The following PDE1C variants were observed in gnomAD, a reference collection of about 807,000 sequenced individuals.
The protein encoded by PDE1C is dual specificity calcium/calmodulin-dependent 3',5'-cyclic nucleotide phosphodiesterase 1C.
A neutral mutation model predicts 93.1 loss-of-function variants in PDE1C; 62 were observed. The ratio of observed to expected loss-of-function variants is 0.67; its 90% confidence interval spans 0.54 to 0.82. PDE1C has a LOEUF of 0.82. PDE1C is among the 40% of genes least tolerant of loss of function. The pLI is 0.00. For missense variants in PDE1C, 742 were observed against 884.6 expected (o/e 0.84, Z 2.04); for synonymous variants, 325 against 310.1 (o/e 1.05, Z -0.50).
chr7:31,764,153 TTTTG>T (rs1021821188), intron 17 of PDE1C, among the ~76,000 whole-genome samples: 26 of 152,106 alleles, frequency 1.7e-4, no homozygotes, highest in African/African-American at 6.0e-4. Context: ...CTCACTTTGG[TTTTG>T]TTTTTGTTTT....
At chr7:32,405,131 A>T (rs1373463423) in intron 1 of PDE1C, among the ~76,000 whole-genome samples, 1 of 152,194 alleles carries the variant, frequency 6.6e-6, no homozygotes, top group African/African-American at 2.4e-5. Context: ...TCTGTTGTAC[A>T]GGTAGTGGGA....
the PDE1C span, among the ~76,000 whole-genome samples, chr7:31,622,976 A>ACC: frequency 1.6e-3 from 248 of 151,976 alleles, no homozygotes; most frequent in Non-Finnish European, 2.9e-3. Context: ...TACTACAAAC[A>ACC]TCTACGCCAA....
chr7:32,322,609 T>C (rs547272791), intron 1 of PDE1C, among the ~76,000 whole-genome samples: 2 of 94,386 alleles, frequency 2.1e-5, no homozygotes, highest in East Asian at 4.4e-4. Context: ...ATCTCTATTT[T>C]TTTCTTTTTT....
intron 2 of PDE1C, among the ~76,000 whole-genome samples, chr7:32,194,397 T>C (rs1804463822): frequency 1.3e-5 from 2 of 152,268 alleles, no homozygotes; most frequent in South Asian, 4.1e-4. Context: ...GATCTGTTGA[T>C]GTCTCCAATT....
intron 1 of PDE1C, among the ~76,000 whole-genome samples, chr7:32,250,519 A>G (rs542979362): frequency 1.3e-5 from 2 of 152,328 alleles, no homozygotes; most frequent in Admixed American, 1.3e-4. Flanking sequence ...CCACACTTTG[A>G]GAAACCCTGC....
intron 5 of PDE1C, among the ~76,000 whole-genome samples, chr7:31,876,489 T>A (rs958900318): frequency 6.6e-6 from 1 of 152,184 alleles, no homozygotes; most frequent in Non-Finnish European, 1.5e-5. Context: ...GAGGCTTCAA[T>A]TTGGAAGAAA....
At chr7:32,146,861 G>A (rs554812071) in intron 3 of PDE1C, among the ~76,000 whole-genome samples, 8 of 152,154 alleles carry the variant, frequency 5.3e-5, no homozygotes, top group African/African-American at 1.9e-4. Flanking sequence ...CATAACCAAG[G>A]GATAAGTTGG....
intron 16 of PDE1C, among the ~76,000 whole-genome samples, chr7:31,804,176 G>C (rs1330481690): frequency 1.3e-5 from 2 of 151,796 alleles, no homozygotes; most frequent in Non-Finnish European, 2.9e-5. Flanking sequence ...AAATTACTTT[G>C]AGACATTTTG....
At chr7:32,286,246 TA>T (rs1456588352) in intron 1 of PDE1C, among the ~76,000 whole-genome samples, 2 of 152,194 alleles carry the variant, frequency 1.3e-5, no homozygotes, top group African/African-American at 4.8e-5. Context: ...TTACTGAAGA[TA>T]TGTCCCACAG....
intron 2 of PDE1C, among the ~76,000 whole-genome samples, chr7:32,048,874 T>C (rs113390762): frequency 6.6e-6 from 1 of 152,090 alleles, no homozygotes; most frequent in Admixed American, 6.6e-5. Flanking sequence ...ACATAATTGG[T>C]TTATTTTTCA....
intron 2 of PDE1C, among the ~76,000 whole-genome samples, chr7:32,018,516 C>G (rs1028654459): frequency 1.3e-5 from 2 of 152,068 alleles, no homozygotes; most frequent in African/African-American, 4.8e-5. Context: ...ATATGTACTA[C>G]AACATGGATG....
chr7:32,003,266 A>G (rs961025154), intron 2 of PDE1C, among the ~76,000 whole-genome samples: 1 of 152,208 alleles, frequency 6.6e-6, no homozygotes, highest in African/African-American at 2.4e-5. Context: ...CCCATAAAGG[A>G]ATTGACAAGG....
chr7:32,208,491 T>C (rs1805770465), intron 2 of PDE1C, among the ~76,000 whole-genome samples: 1 of 139,638 alleles, frequency 7.2e-6, no homozygotes, highest in African/African-American at 2.6e-5. Context: ...AGGTGACTTT[T>C]AGGAAGGCAA....
the PDE1C span, chr7:31,695,426 A>G: frequency 6.5e-7 from 1 of 1,541,030 alleles, no homozygotes; most frequent in Non-Finnish European, 8.8e-7. Flanking sequence ...TGGATCCTTA[A>G]TCATGTTATA....
chr7:31,879,814 T>C (rs1165853125), intron 3 of PDE1C, among the ~76,000 whole-genome samples: 1 of 152,206 alleles, frequency 6.6e-6, no homozygotes, highest in Non-Finnish European at 1.5e-5. Flanking sequence ...CAAAGAGCAA[T>C]GTTAAAATAA....
At chr7:31,660,011 G>T in the PDE1C span, among the ~76,000 whole-genome samples, 2 of 152,124 alleles carry the variant, frequency 1.3e-5, no homozygotes, top group Non-Finnish European at 2.9e-5. Context: ...GAGTTCTCAT[G>T]AAATCTCATG....
intron 2 of PDE1C, among the ~76,000 whole-genome samples, chr7:31,927,460 G>A (rs1004819835): frequency 3.3e-5 from 5 of 152,146 alleles, no homozygotes; most frequent in African/African-American, 4.8e-5. Flanking sequence ...GGGACAGACT[G>A]CCTCCTCAAG....
chr7:31,672,915 G>C, the PDE1C span, among the ~76,000 whole-genome samples: 2 of 152,200 alleles, frequency 1.3e-5, no homozygotes, highest in African/African-American at 4.8e-5. Flanking sequence ...TTGTGATACT[G>C]AGTGAGTTTT....
intron 2 of PDE1C, among the ~76,000 whole-genome samples, chr7:32,045,846 G>A (rs1584583670): frequency 6.6e-6 from 1 of 152,128 alleles, no homozygotes; most frequent in South Asian, 2.1e-4. Context: ...ATAACCACTC[G>A]CCTTCCCTCC....
Sources: allele counts gnomAD v4.1 joint callset (sites outside exome capture counted in the v4.1 genomes callset), GRCh38; gene constraint gnomAD v4.1.1; transcripts MANE v1.5; gene names NCBI Gene and HGNC (gene_info 2026-07-23, HGNC 2026-07-21).